RGS17: variants seen among roughly 807,000 people sequenced by gnomAD.
RGS17 encodes regulator of G-protein signaling 17.
Under a neutral mutation model 25.5 loss-of-function variants are expected in RGS17, and 12 were observed. The observed-to-expected ratio is 0.47, with a 90% CI of 0.30 to 0.76. The LOEUF (loss-of-function observed/expected upper bound fraction) is 0.76. RGS17 is among the 30% of genes least tolerant of loss of function. The probability of loss-of-function intolerance (pLI) is 0.07; values close to 1 mark genes in which losing one functional copy is unlikely to be tolerated. For missense variants in RGS17, 196 were observed against 242.2 expected, an observed-to-expected ratio of 0.81 and a Z score of 1.27; for synonymous variants, 71 against 76.9, an observed-to-expected ratio of 0.92 and a Z score of 0.40.
rs754051750 is a variant in RGS17 at position 153,011,620 on chromosome 6, T to C, written c.587A>G (p.Tyr196Cys). Residue 196 changes from tyrosine (Y) to cysteine (C), a missense_variant, in exon 5 of 5, where the codon TAT becomes TGT. This residue lies in a region of RGS17 where 179 missense variants were observed against 197.6 expected (regional missense o/e 0.91). Transcript: ENST00000206262. ...AGCAGTACTTTCAACAAATGACTTA[T>C]AAATTTGAGAGTTCAAAAACCTTGG... Reference protein sequence around the residue: ...SFPRFLNSQIYKSFVESTAGS... With the variant: ...SFPRFLNSQICKSFVESTAGS... 3 of 1,611,532 alleles carry C rather than the reference T, an allele frequency of 1.9e-6. No individual in the cohort carries two copies. The highest frequency in any genetic ancestry group is 1.7e-5 in the Admixed American group (1 of 59,588).
At chr6:153,018,126 G>A (rs1440242068) in intron 4 of RGS17, among the ~76,000 whole-genome samples, 1 of 151,952 alleles carries the variant, frequency 6.6e-6, no homozygotes, top group East Asian at 1.9e-4. Context: ...TACTCTTGGT[G>A]GTGTCTGGAT....
At chr6:153,051,074 C>G (rs916179347) in intron 1 of RGS17, among the ~76,000 whole-genome samples, 7 of 152,210 alleles carry the variant, frequency 4.6e-5, no homozygotes, top group Non-Finnish European at 1.5e-5. Flanking sequence ...TAGGCAATCA[C>G]CTTGATCTTG....
intron 1 of RGS17, among the ~76,000 whole-genome samples, chr6:153,061,274 C>G (rs1776634568): frequency 6.6e-6 from 1 of 152,140 alleles, no homozygotes; most frequent in Non-Finnish European, 1.5e-5. Flanking sequence ...ATGGTGACAA[C>G]AAGAACCTTT....
At chr6:153,042,328 G>C (rs1253788070) in intron 2 of RGS17, among the ~76,000 whole-genome samples, 1 of 152,198 alleles carries the variant, frequency 6.6e-6, no homozygotes, top group Non-Finnish European at 1.5e-5. Flanking sequence ...TAATCCCCAT[G>C]TGTCATGGGA....
chr6:153,097,665 G>C (rs946062033), intron 1 of RGS17, among the ~76,000 whole-genome samples: 4 of 151,990 alleles, frequency 2.6e-5, no homozygotes, highest in Non-Finnish European at 4.4e-5. Flanking sequence ...ACATGGGAGT[G>C]AATGTCTAGT....
chr6:153,091,812 C>A (rs575950381), intron 1 of RGS17, among the ~76,000 whole-genome samples: 2 of 152,086 alleles, frequency 1.3e-5, no homozygotes, highest in African/African-American at 4.8e-5. Context: ...CATGCCCAGC[C>A]GGCATACTTC....
chr6:153,038,360 A>T (rs1776278111), intron 2 of RGS17, among the ~76,000 whole-genome samples: 1 of 152,170 alleles, frequency 6.6e-6, no homozygotes, highest in African/African-American at 2.4e-5. Flanking sequence ...GTTCATTTTG[A>T]TAGATGTCTT....
At chr6:153,038,273 C>T (rs1044015245) in intron 2 of RGS17, among the ~76,000 whole-genome samples, 32 of 152,286 alleles carry the variant, frequency 2.1e-4, no homozygotes, top group Non-Finnish European at 2.9e-4. Context: ...AGTGAGGCTC[C>T]TTCTACCATT....
intron 2 of RGS17, among the ~76,000 whole-genome samples, chr6:153,036,706 A>G (rs1217313403): frequency 6.6e-6 from 1 of 152,086 alleles, no homozygotes; most frequent in Non-Finnish European, 1.5e-5. Context: ...CAACCCAGCT[A>G]CTCATGCAAG....
chr6:153,046,605 A>C (rs768837856), intron 1 of RGS17, among the ~76,000 whole-genome samples: 1 of 152,134 alleles, frequency 6.6e-6, no homozygotes, highest in African/African-American at 2.4e-5. Flanking sequence ...AATAGCTATT[A>C]AAAGATTTAC....
chr6:153,090,534 A>G (rs2058686570), intron 1 of RGS17, among the ~76,000 whole-genome samples: 2 of 151,606 alleles, frequency 1.3e-5, no homozygotes, highest in African/African-American at 4.9e-5. Context: ...CAGGAGGATC[A>G]CTTGAACCCA....
intron 1 of RGS17, among the ~76,000 whole-genome samples, chr6:153,048,110 T>C (rs966287855): frequency 4.6e-5 from 7 of 152,222 alleles, no homozygotes; most frequent in African/African-American, 1.4e-4. Flanking sequence ...GAATTCAGGA[T>C]GCAAATATCC....
rs1224367535 is a variant in RGS17, at chr6:153,005,334, C to T, written c.*6240G>A. On this transcript the variant is annotated 3_prime_UTR_variant, in exon 5 of 5. Transcript: ENST00000206262. ...TCTGGAGTTTTATTTTTCCACTTCA[C>T]TGTATTTTCTTTATAGCATTTATTA... is the stretch of plus-strand genomic sequence containing the variant. The T allele has an allele frequency of 1.3e-5, 2 of 152,198 alleles. No homozygotes were observed. Among genetic ancestry groups the T allele is most frequent in the African/African-American group, 4.8e-5 (2 of 41,440 alleles). 9.4% of individuals were successfully genotyped at this position (152,198 alleles called of 1,614,324 possible).
rs181284422 is a variant in RGS17 at position 153,064,066 on chromosome 6, C to T, written c.-25-20023G>A. 2.0e-5 allele frequency among the ~76,000 whole-genome samples: 3 copies of T among 152,236 alleles called. No individual in the cohort carries two copies. In the East Asian group the frequency reaches 5.8e-4, roughly 29 times the overall value. ...AACAAAAGCTGAAGGATTTCATCAACACTAGACCTATCTTACAAGAAATGC... is the reference window on the plus strand; with the variant it reads ...AACAAAAGCTGAAGGATTTCATCAATACTAGACCTATCTTACAAGAAATGC... On this transcript the variant is annotated intron_variant, in intron 1 of 4. Coordinates refer to ENST00000206262, the MANE Select transcript of RGS17 (RefSeq NM_012419.5).
intron 1 of RGS17, among the ~76,000 whole-genome samples, chr6:153,050,802 C>A (rs1369429681): frequency 2.6e-5 from 4 of 152,144 alleles, no homozygotes; most frequent in Non-Finnish European, 5.9e-5. Flanking sequence ...CTGTTATGGA[C>A]TGAATGTTTA....
chr6:153,106,090 T>TA (rs763303372), intron 1 of RGS17, among the ~76,000 whole-genome samples: 6 of 152,136 alleles, frequency 3.9e-5, no homozygotes, highest in Non-Finnish European at 7.3e-5. Context: ...TGGTTATGGA[T>TA]AGTTTACATA....
intron 1 of RGS17, among the ~76,000 whole-genome samples, chr6:153,127,115 A>T (rs879433929): frequency 5.9e-5 from 9 of 152,122 alleles, no homozygotes; most frequent in Non-Finnish European, 8.8e-5. Context: ...TTGCATGCGC[A>T]GCTCACAATA....
intron 2 of RGS17, among the ~76,000 whole-genome samples, chr6:153,030,903 T>TAA (rs1428819566): frequency 6.6e-6 from 1 of 152,204 alleles, no homozygotes; most frequent in Admixed American, 6.5e-5. Flanking sequence ...TGGGGTTTCT[T>TAA]AGACACCCTT....
chr6:153,053,893 C>T (rs1314085476), intron 1 of RGS17, among the ~76,000 whole-genome samples: 1 of 137,230 alleles, frequency 7.3e-6, no homozygotes, highest in Non-Finnish European at 1.5e-5. Context: ...TTTTCTTTTT[C>T]ACATACATAC....
Sources: gnomAD v4.1 joint callset for allele counts (sites outside exome capture counted in the v4.1 genomes callset) on GRCh38, gnomAD v4.1.1 for gene constraint, gnomAD v4.1.1 regional missense constraint, MANE v1.5 for transcripts, NCBI Gene and HGNC (gene_info 2026-07-23, HGNC 2026-07-21) for gene names.